CALCRL: variants seen among roughly 807,000 people sequenced by gnomAD.
CALCRL encodes the protein calcitonin receptor like receptor, also known as calcitonin gene-related peptide type 1 receptor.
Under a neutral mutation model 60.4 loss-of-function variants are expected in CALCRL, and 27 were observed. The ratio of observed to expected loss-of-function variants is 0.45; its 90% CI spans 0.33 to 0.62. The LOEUF (loss-of-function observed/expected upper bound fraction) is 0.62, where lower values mean the gene tolerates loss of function less well. Ranked by LOEUF, CALCRL falls within the 20% of genes least tolerant of loss-of-function variation. The pLI is 0.03. For missense variants in CALCRL, 424 were observed against 540.7 expected (o/e 0.78, Z 2.14); for synonymous variants, 190 against 182.6 (o/e 1.04, Z -0.33).
intron 12 of CALCRL, among the ~76,000 whole-genome samples, chr2:187,355,939 C>T (rs1452591601): frequency 6.6e-6 from 1 of 151,908 alleles, no homozygotes; most frequent in African/African-American, 2.4e-5. Flanking sequence ...AATACAACTT[C>T]CAAGGGAAGT....
At chr2:187,381,515 G>GTGTGA in intron 5 of CALCRL, among the ~76,000 whole-genome samples, 1 of 152,006 alleles carries the variant, frequency 6.6e-6, no homozygotes. Context: ...GAGTGCAGTG[G>GTGTGA]TGTGATCTCG....
At chr2:187,417,992 A>C (rs1468409339) in intron 1 of CALCRL, among the ~76,000 whole-genome samples, 3 of 152,164 alleles carry the variant, frequency 2.0e-5, no homozygotes, top group Non-Finnish European at 4.4e-5. Context: ...ATTATTTAAC[A>C]TCTTTGCCCA....
At chr2:187,444,254 T>C (rs1467447627) in intron 1 of CALCRL, among the ~76,000 whole-genome samples, 2 of 151,632 alleles carry the variant, frequency 1.3e-5, no homozygotes, top group Non-Finnish European at 3.0e-5. Context: ...AAAAGATATG[T>C]TCCATGTTAA....
chr2:187,408,135 A>G (rs1689211552), intron 1 of CALCRL, among the ~76,000 whole-genome samples: 1 of 152,084 alleles, frequency 6.6e-6, no homozygotes, highest in South Asian at 2.1e-4. Flanking sequence ...TACATCCAAG[A>G]CATATATATT....
intron 1 of CALCRL, among the ~76,000 whole-genome samples, chr2:187,437,398 C>T (rs1050511167): frequency 1.3e-5 from 2 of 151,984 alleles, no homozygotes; most frequent in Non-Finnish European, 2.9e-5. Context: ...AAAAATTAGC[C>T]GGGCGTGATG....
chr2:187,434,428 C>T (rs922420061), intron 1 of CALCRL, among the ~76,000 whole-genome samples: 1 of 151,916 alleles, frequency 6.6e-6, no homozygotes. Flanking sequence ...AGATTAAAAC[C>T]ACAATGAGAT....
At chr2:187,359,968 A>G (rs1364880603) in intron 10 of CALCRL, among the ~76,000 whole-genome samples, 1 of 152,062 alleles carries the variant, frequency 6.6e-6, no homozygotes, top group African/African-American at 2.4e-5. Flanking sequence ...ATGATAATAG[A>G]TAAGTACAAC....
intron 1 of CALCRL, among the ~76,000 whole-genome samples, chr2:187,425,573 T>C (rs73048633): frequency 3.3e-5 from 5 of 152,146 alleles, no homozygotes; most frequent in African/African-American, 1.2e-4. Flanking sequence ...TTAGTTGTTC[T>C]AGTCACAAAT....
intron 7 of CALCRL, among the ~76,000 whole-genome samples, chr2:187,379,427 A>G (rs1450135303): frequency 1.3e-5 from 2 of 152,168 alleles, no homozygotes; most frequent in Admixed American, 6.6e-5. Context: ...AATGCCAGAT[A>G]AAGGTTTATT....
At chr2:187,349,170 T>TAA (rs1010427295) in intron 14 of CALCRL, among the ~76,000 whole-genome samples, 9 of 151,760 alleles carry the variant, frequency 5.9e-5, no homozygotes, top group African/African-American at 2.2e-4. Context: ...CAGGTGTTGT[T>TAA]AAATATAACC....
chr2:187,357,992 A>C (rs888957971), intron 12 of CALCRL, among the ~76,000 whole-genome samples: 1 of 152,024 alleles, frequency 6.6e-6, no homozygotes, highest in African/African-American at 2.4e-5. Flanking sequence ...ACTCCTAAGG[A>C]CTGTAATTGC....
chr2:187,405,764 AG>A (rs1689089238), intron 1 of CALCRL, among the ~76,000 whole-genome samples: 1 of 152,090 alleles, frequency 6.6e-6, no homozygotes, highest in Non-Finnish European at 1.5e-5. Context: ...CGGCTGAAAC[AG>A]TAAGAAAGAA....
chr2:187,346,786 C>G (rs1686294949), intron 14 of CALCRL, among the ~76,000 whole-genome samples: 1 of 151,618 alleles, frequency 6.6e-6, no homozygotes, highest in Non-Finnish European at 1.5e-5. Flanking sequence ...CAATTCGTGA[C>G]AGGATAAGCG....
At chr2:187,426,632 T>C (rs1312375060) in intron 1 of CALCRL, among the ~76,000 whole-genome samples, 1 of 152,084 alleles carries the variant, frequency 6.6e-6, no homozygotes, top group Non-Finnish European at 1.5e-5. Context: ...GATTCACTGA[T>C]ATATATTAGA....
rs1333378491 is a variant in CALCRL at position 187,346,326 on chromosome 2, G to A, written c.1244C>T (p.Ala415Val). 1 of 1,612,370 alleles carries A rather than the reference G, an allele frequency of 6.2e-7. No individual in the cohort carries two copies. The highest frequency in any genetic ancestry group is 2.2e-5 in the East Asian group (1 of 44,840). The change falls in exon 15 of 15, where the codon GCT (alanine) becomes GTT (valine). Residue 415 changes from alanine to valine, a missense_variant. By Grantham distance (64) the Ala-to-Val change is moderately conservative. Transcript: ENST00000392370. ...QFGNSFSNSE[A>V]LRSASYTVST... Reference sequence around the variant, plus strand: ...CACTGTGTAAGACGCACTACGAAGAGCTTCTGAGTTGGAAAAGCTGTTTCC... The same window carrying A: ...CACTGTGTAAGACGCACTACGAAGAACTTCTGAGTTGGAAAAGCTGTTTCC...
At chr2:187,396,308 G>A (rs1168589083) in intron 1 of CALCRL, among the ~76,000 whole-genome samples, 1 of 151,774 alleles carries the variant, frequency 6.6e-6, no homozygotes, top group Non-Finnish European at 1.5e-5. Flanking sequence ...CTCCACTGCA[G>A]AAAGTCCAAA....
At chr2:187,360,461 A>G in intron 10 of CALCRL, 137 bp downstream of exon 10, 1 of 727,784 alleles carries the variant, frequency 1.4e-6, no homozygotes, top group Non-Finnish European at 2.1e-6. Flanking sequence ...GCAATTTACA[A>G]GAATAAGCAA....
At chr2:187,448,002 C>G (rs1691272391) in intron 1 of CALCRL, 37 bp downstream of exon 1, 1 of 151,998 alleles carries the variant, frequency 6.6e-6, no homozygotes, top group Non-Finnish European at 1.5e-5. Context: ...GAGAATACTA[C>G]TTAGAATAAA....
intron 1 of CALCRL, among the ~76,000 whole-genome samples, chr2:187,405,613 A>G (rs1689083504): frequency 6.6e-6 from 1 of 152,010 alleles, no homozygotes; most frequent in Non-Finnish European, 1.5e-5. Flanking sequence ...TATTTGCATT[A>G]TTACTCTTGA....
Sources: allele counts gnomAD v4.1 joint callset (sites outside exome capture counted in the v4.1 genomes callset), GRCh38; gene constraint gnomAD v4.1.1; transcripts MANE v1.5; gene names NCBI Gene and HGNC (gene_info 2026-07-23, HGNC 2026-07-21).